Variants in STK39 observed in about 807,000 individuals in gnomAD.
STK39 encodes the protein serine/threonine kinase 39, also known as STE20/SPS1-related proline-alanine-rich protein kinase.
In STK39, 20 loss-of-function variants were observed where a neutral mutation model predicts 77.8. The observed-to-expected ratio is 0.26, with a 90% CI of 0.18 to 0.37. STK39 has a LOEUF of 0.37. Among genes scored for constraint, STK39 ranks in the 10% least tolerant of loss-of-function variants. STK39 has a pLI of 1.00. For synonymous variants in STK39, 246 were observed against 234.1 expected, an observed-to-expected ratio of 1.05 and a Z score of -0.47; for missense variants, 479 against 656.5, an observed-to-expected ratio of 0.73 and a Z score of 2.95.
At chr2:168,195,743 G>A (rs995509011) in intron 1 of STK39, among the ~76,000 whole-genome samples, 18 of 152,322 alleles carry the variant, frequency 1.2e-4, no homozygotes, top group Admixed American at 3.9e-4. Flanking sequence ...TTGGCTGCGC[G>A]AGGTGGCTCA....
intron 10 of STK39, among the ~76,000 whole-genome samples, chr2:168,123,784 G>A (rs533241385): frequency 5.2e-4 from 79 of 150,540 alleles, no homozygotes; most frequent in African/African-American, 1.8e-3. Flanking sequence ...CAGGAGAATC[G>A]CTTGAACCTG....
intron 10 of STK39, among the ~76,000 whole-genome samples, chr2:168,100,515 C>G (rs114414995): frequency 6.6e-6 from 1 of 152,172 alleles, no homozygotes; most frequent in African/African-American, 2.4e-5. Context: ...CCTCCTGCCA[C>G]GGCCTCCCAA....
chr2:168,062,293 A>T (rs1411442997), intron 14 of STK39, among the ~76,000 whole-genome samples: 1 of 152,206 alleles, frequency 6.6e-6, no homozygotes, highest in Non-Finnish European at 1.5e-5. Context: ...TGAATTAATG[A>T]ATAACTGAAC....
At chr2:168,018,879 A>T (rs1011433753) in intron 14 of STK39, among the ~76,000 whole-genome samples, 1 of 152,134 alleles carries the variant, frequency 6.6e-6, no homozygotes, top group East Asian at 1.9e-4. Flanking sequence ...GCCCACAAGG[A>T]TACACAGGGC....
At chr2:168,222,296 C>T (rs968381462) in intron 1 of STK39, among the ~76,000 whole-genome samples, 6 of 152,160 alleles carry the variant, frequency 3.9e-5, no homozygotes, top group Admixed American at 2.0e-4. Context: ...TTTTCTAAAC[C>T]TCCCAATGTC....
At chr2:167,995,083 T>C (rs1031956634) in intron 16 of STK39, among the ~76,000 whole-genome samples, 7 of 141,742 alleles carry the variant, frequency 4.9e-5, no homozygotes, top group Non-Finnish European at 1.1e-4. Context: ...ATTTAAAATA[T>C]ATATATTATA....
intron 1 of STK39, among the ~76,000 whole-genome samples, chr2:168,238,804 T>C (rs1690684560): frequency 6.6e-6 from 1 of 152,222 alleles, no homozygotes; most frequent in Non-Finnish European, 1.5e-5. Context: ...AATTCTTGTC[T>C]AGTATCAAAA....
rs1261295832 is a variant in STK39, at chr2:168,018,520, AAAAGAAAGAAAAGAAAGAAAAGAAAG to A, written c.1377-1451_1377-1426del. Among the ~76,000 whole-genome samples, 213 of 112,508 alleles carry A rather than the reference AAAAGAAAGAAAAGAAAGAAAAGAAAG, an allele frequency of 1.9e-3. 1 individual carries two copies. The highest frequency in any genetic ancestry group is 4.7e-3 in the African/African-American group (127 of 26,876). 73.8% of individuals were successfully genotyped at this position (112,508 alleles called of 152,430 possible). ...TTTTAAGAAAAGAAAGAAAAGAAAG[AAAAGAAAGAAAAGAAAGAAAAGAAAG>A]AAAGAAAGAAAGAAAGAAAGAAAGA... is the stretch of plus-strand genomic sequence containing the variant. On this transcript the variant is annotated intron_variant, in intron 14 of 17. Coordinates refer to ENST00000355999, the MANE Select transcript of STK39 (RefSeq NM_013233.3).
intron 13 of STK39, among the ~76,000 whole-genome samples, chr2:168,063,833 T>C (rs1685726443): frequency 1.3e-5 from 2 of 152,182 alleles, no homozygotes; most frequent in Non-Finnish European, 2.9e-5. Context: ...TTGTATAAGC[T>C]GTAGTAAAGT....
At chr2:168,068,856 A>T (rs1685865484) in intron 12 of STK39, among the ~76,000 whole-genome samples, 1 of 152,210 alleles carries the variant, frequency 6.6e-6, no homozygotes, top group Non-Finnish European at 1.5e-5. Flanking sequence ...CTCCATCTCC[A>T]TATGGGTATA....
rs557339618 is a variant in STK39 at position 168,168,627 on chromosome 2, T to C, written c.322-1220A>G. On this transcript the variant is annotated intron_variant, in intron 2 of 17. Transcript: ENST00000355999. ...TCCTCATACTACTAAAAAGATCCTA[T>C]ATATCCGACAACTTGGCCAAAATTC... is the stretch of plus-strand genomic sequence containing the variant. Among the ~76,000 whole-genome samples the C allele has an allele frequency of 1.3e-4, 20 of 152,342 alleles. 1 individual carries two copies. In the South Asian group the frequency reaches 4.1e-3, roughly 32 times the overall value.
intron 1 of STK39, among the ~76,000 whole-genome samples, chr2:168,239,059 ATGTC>A (rs1690691671): frequency 6.6e-6 from 1 of 152,144 alleles, no homozygotes; most frequent in Non-Finnish European, 1.5e-5. Flanking sequence ...CCATCCTATC[ATGTC>A]AGTCCCTTAT....
chr2:168,079,124 G>A (rs531536116), intron 10 of STK39, among the ~76,000 whole-genome samples: 134 of 152,234 alleles, frequency 8.8e-4, no homozygotes, highest in African/African-American at 2.8e-3. Context: ...AAAAATTAAC[G>A]AAATGTGACT....
rs536756274 is a variant in STK39, at chr2:167,978,160, C to A, written c.1499-13434G>T. On this transcript the variant is annotated intron_variant, in intron 16 of 17. Transcript: ENST00000355999. ...ACAATAGTGATGGTATTCCCAGGAG[C>A]ATTTTGGGGTGGTTCAGACTCTTGG... Among the ~76,000 whole-genome samples, 6 of 152,244 alleles carry A rather than the reference C, an allele frequency of 3.9e-5. No individual in the cohort carries two copies. The East Asian group carries it at 5.8e-4, about 15-fold the overall frequency.
intron 6 of STK39, 36 bp from the exon 7 acceptor site, chr2:168,140,426 A>C: frequency 6.4e-7 from 1 of 1,552,252 alleles, no homozygotes; most frequent in Non-Finnish European, 8.9e-7. Context: ...ACAATCATAC[A>C]GCAGGCATGT....
At chr2:168,124,185 A>C (rs1687481772) in intron 10 of STK39, among the ~76,000 whole-genome samples, 1 of 152,188 alleles carries the variant, frequency 6.6e-6, no homozygotes. Context: ...TTGCTTACTT[A>C]ATTTCATGAT....
chr2:167,964,871 A>C lies in STK39; in HGVS notation c.1499-145T>G, dbSNP rs1029246475. The C allele has an allele frequency of 9.3e-6, 6 of 643,900 alleles. No individual in the cohort carries two copies. In the Admixed American group the frequency reaches 1.5e-4, roughly 16 times the overall value. 39.9% of individuals were successfully genotyped at this position (643,900 alleles called of 1,614,324 possible). ...AAACATTGCAAAGTCCATATAAATG[A>C]CCAAATTACTCTCATACAGATATTT... On this transcript the variant is annotated intron_variant, in intron 16 of 17. Transcript: ENST00000355999.
At chr2:168,086,353 T>C (rs1686367414) in intron 10 of STK39, among the ~76,000 whole-genome samples, 3 of 152,234 alleles carry the variant, frequency 2.0e-5, no homozygotes, top group African/African-American at 7.2e-5. Context: ...GACTATGTTA[T>C]TATACACTAA....
At position 167,999,436 on chromosome 2, in the gene STK39, T is replaced by C. The variant is rs185486235; in HGVS notation, c.1498+13198A>G. Among the ~76,000 whole-genome samples, 5 of 152,270 alleles carry C rather than the reference T, an allele frequency of 3.3e-5. No individual in the cohort carries two copies. In the East Asian group the frequency reaches 7.7e-4, roughly 24 times the overall value. ...TAATCAGGTGTACTCAGCACCACAG[T>C]AGATGAGATGCTTTATTTATTTTAT... On this transcript the variant is annotated intron_variant, in intron 16 of 17. Coordinates refer to ENST00000355999, the MANE Select transcript of STK39 (RefSeq NM_013233.3).
Sources: gnomAD v4.1 joint callset for allele counts (sites outside exome capture counted in the v4.1 genomes callset) on GRCh38, gnomAD v4.1.1 for gene constraint, MANE v1.5 for transcripts, NCBI Gene and HGNC (gene_info 2026-07-23, HGNC 2026-07-21) for gene names.